Variants in AUTS2 observed in about 807,000 individuals in gnomAD.
AUTS2 encodes the protein activator of transcription and developmental regulator AUTS2.
Under a neutral mutation model 112.4 loss-of-function variants are expected in AUTS2, and 17 were observed. That is an observed-to-expected ratio of 0.15 (90% confidence interval 0.10 to 0.23). AUTS2 has a LOEUF of 0.23. Among genes scored for constraint, AUTS2 ranks in the 10% least tolerant of loss-of-function variants. The probability of loss-of-function intolerance (pLI) is 1.00; values close to 1 mark genes in which losing one functional copy is unlikely to be tolerated. For synonymous variants in AUTS2, 751 were observed against 702.7 expected (o/e 1.07, Z -1.09); for missense variants, 1,510 against 1,701.6 (o/e 0.89, Z 1.98).
chr7:69,623,496 T>A (rs571778445), intron 1 of AUTS2, among the ~76,000 whole-genome samples: 1 of 147,954 alleles, frequency 6.8e-6, no homozygotes, highest in South Asian at 2.2e-4. Flanking sequence ...CCTCTCACAG[T>A]GCTGGGATTA....
At chr7:69,942,270 G>A (rs183444079) in intron 2 of AUTS2, among the ~76,000 whole-genome samples, 47 of 152,164 alleles carry the variant, frequency 3.1e-4, no homozygotes, top group African/African-American at 1.1e-3. Context: ...CATATTGTGG[G>A]CACTCAGTAA....
chr7:69,700,964 A>G (rs1351101908), intron 1 of AUTS2, among the ~76,000 whole-genome samples: 1 of 152,166 alleles, frequency 6.6e-6, no homozygotes, highest in Non-Finnish European at 1.5e-5. Flanking sequence ...ACATGCCTTG[A>G]AGCTTTGTGT....
intron 1 of AUTS2, among the ~76,000 whole-genome samples, chr7:69,797,690 A>G (rs1156838144): frequency 6.6e-6 from 1 of 152,120 alleles, no homozygotes; most frequent in Non-Finnish European, 1.5e-5. Flanking sequence ...TCCTTATTTA[A>G]GATGCTCTTA....
At chr7:70,006,090 T>C (rs1209434012) in intron 2 of AUTS2, among the ~76,000 whole-genome samples, 1 of 152,162 alleles carries the variant, frequency 6.6e-6, no homozygotes, top group Non-Finnish European at 1.5e-5. Flanking sequence ...AGTCGTTGCA[T>C]AGGGTGCCCC....
intron 4 of AUTS2, among the ~76,000 whole-genome samples, chr7:70,288,418 G>T (rs1788563454): frequency 6.6e-6 from 1 of 151,988 alleles, no homozygotes; most frequent in Non-Finnish European, 1.5e-5. Flanking sequence ...CAAAAAAAAA[G>T]CTTTGCCAAA....
intron 6 of AUTS2, among the ~76,000 whole-genome samples, chr7:70,743,234 G>A (rs1788224279): frequency 6.6e-6 from 1 of 152,088 alleles, no homozygotes; most frequent in Non-Finnish European, 1.5e-5. Flanking sequence ...TTGGGAGGCT[G>A]AGGTGGGCGG....
chr7:69,719,245 T>C (rs935833501), intron 1 of AUTS2, among the ~76,000 whole-genome samples: 1 of 152,216 alleles, frequency 6.6e-6, no homozygotes, highest in Admixed American at 6.5e-5. Context: ...TTGAAGCCCT[T>C]GAGATTTTTT....
At chr7:70,054,299 A>T (rs1801893987) in intron 2 of AUTS2, among the ~76,000 whole-genome samples, 1 of 152,088 alleles carries the variant, frequency 6.6e-6, no homozygotes, top group Admixed American at 6.5e-5. Flanking sequence ...TGTCTCCTTT[A>T]CTTGTCCCCT....
intron 1 of AUTS2, among the ~76,000 whole-genome samples, chr7:69,824,132 G>A (rs991053273): frequency 5.9e-5 from 9 of 151,876 alleles, no homozygotes; most frequent in African/African-American, 1.7e-4. Context: ...AGTGTGATAC[G>A]GCTGGGCACG....
intron 5 of AUTS2, among the ~76,000 whole-genome samples, chr7:70,496,535 A>G (rs1249325955): frequency 9.4e-6 from 1 of 106,116 alleles, no homozygotes; most frequent in Non-Finnish European, 1.9e-5. Context: ...ACTCACACAC[A>G]CCACGTACAC....
chr7:70,691,928 T>TAC (rs1336940688), intron 5 of AUTS2, among the ~76,000 whole-genome samples: 1 of 150,082 alleles, frequency 6.7e-6, no homozygotes, highest in Non-Finnish European at 1.5e-5. Flanking sequence ...TAGGCTGTAG[T>TAC]ACAGTGGCAT....
At chr7:69,724,575 A>G (rs1228579145) in intron 1 of AUTS2, among the ~76,000 whole-genome samples, 1 of 152,246 alleles carries the variant, frequency 6.6e-6, no homozygotes, top group Admixed American at 6.5e-5. Flanking sequence ...TTACTGTAGC[A>G]TCAGGATTCA....
chr7:70,512,988 T>C (rs553417809), intron 5 of AUTS2, among the ~76,000 whole-genome samples: 1 of 152,320 alleles, frequency 6.6e-6, no homozygotes, highest in South Asian at 2.1e-4. Context: ...ATTTAGCTTT[T>C]GCTGGTGCCA....
intron 2 of AUTS2, among the ~76,000 whole-genome samples, chr7:70,073,295 G>C (rs1802874613): frequency 6.6e-6 from 1 of 151,742 alleles, no homozygotes; most frequent in Admixed American, 6.6e-5. Flanking sequence ...CAGATCACCT[G>C]AGGTCAGGAG....
intron 5 of AUTS2, among the ~76,000 whole-genome samples, chr7:70,488,180 G>C (rs1798090513): frequency 2.0e-5 from 3 of 152,244 alleles, no homozygotes; most frequent in Admixed American, 6.5e-5. Flanking sequence ...TGTCCTTGGA[G>C]GGCTGGAGAG....
At chr7:70,021,308 C>G (rs1800263621) in intron 2 of AUTS2, among the ~76,000 whole-genome samples, 2 of 152,320 alleles carry the variant, frequency 1.3e-5, no homozygotes, top group South Asian at 4.1e-4. Flanking sequence ...TCCACTTAAG[C>G]TCTTCCATTT....
chr7:70,170,501 G>A lies in AUTS2; in HGVS notation c.660+35930G>A, dbSNP rs561324456. Among the ~76,000 whole-genome samples, 6 of 151,704 alleles carry A rather than the reference G, an allele frequency of 4.0e-5. No individual in the cohort carries two copies. The South Asian group carries it at 8.3e-4, about 21-fold the overall frequency. ...TTATATTATTTCCATTTCTATTTTG[G>A]TAGTAAAGGTAAATGAACAAGCATT... On this transcript the variant is annotated intron_variant, in intron 4 of 18. Coordinates refer to ENST00000342771, the MANE Select transcript of AUTS2 (RefSeq NM_015570.4).
At chr7:70,139,363 C>T (rs1020137789) in intron 4 of AUTS2, among the ~76,000 whole-genome samples, 4 of 152,152 alleles carry the variant, frequency 2.6e-5, no homozygotes, top group Non-Finnish European at 4.4e-5. Flanking sequence ...GTGGTGCTTG[C>T]GGCTGCAACA....
intron 4 of AUTS2, among the ~76,000 whole-genome samples, chr7:70,333,254 G>A (rs1188258903): frequency 6.6e-6 from 1 of 152,198 alleles, no homozygotes; most frequent in African/African-American, 2.4e-5. Context: ...AAACTGCAAT[G>A]AGATACGATT....
Sources: allele counts gnomAD v4.1 joint callset (sites outside exome capture counted in the v4.1 genomes callset), GRCh38; gene constraint gnomAD v4.1.1; transcripts MANE v1.5; gene names NCBI Gene and HGNC (gene_info 2026-07-23, HGNC 2026-07-21).